TTC6: variants seen among roughly 807,000 people sequenced by gnomAD.
TTC6 encodes the protein tetratricopeptide repeat domain 6.
Under a neutral mutation model 210.4 loss-of-function variants are expected in TTC6, and 172 were observed. The ratio of observed to expected loss-of-function variants is 0.82; its 90% CI spans 0.72 to 0.93. The LOEUF (loss-of-function observed/expected upper bound fraction) is 0.93, where lower values mean the gene tolerates loss of function less well. Ranked by LOEUF, TTC6 falls within the 40% of genes least tolerant of loss-of-function variation. The pLI is 0.00. For missense variants in TTC6, 2,414 were observed against 2,318.1 expected (o/e 1.04, Z -0.85); for synonymous variants, 804 against 819.6 (o/e 0.98, Z 0.32).
rs35078384 is a variant in TTC6, at chr14:37,821,772, CTTTTTTTTTT to C, written c.4764-1959_4764-1950del. Among the ~76,000 whole-genome samples, 23 of 69,160 alleles carry C rather than the reference CTTTTTTTTTT, an allele frequency of 3.3e-4. No homozygotes were observed. In the East Asian group the frequency reaches 6.9e-3, roughly 21 times the overall value. The allele number at this position is 69,160 out of a possible 152,430, so 45.4% of individuals were successfully genotyped here. On this transcript the variant is annotated intron_variant, in intron 26 of 30. Coordinates refer to ENST00000553443, the Ensembl canonical transcript of TTC6. ...GAGAATGTCTCAGCTAAGAGCTAGT[CTTTTTTTTTT>C]TTTTTTTTTTTTTTTGAGATGGAGT...
At chr14:37,648,077 T>G (rs1223484517) in intron 1 of TTC6, among the ~76,000 whole-genome samples, 1 of 152,172 alleles carries the variant, frequency 6.6e-6, no homozygotes, top group Non-Finnish European at 1.5e-5. Flanking sequence ...GTACATGGGA[T>G]GCATTTTCTA....
At chr14:37,833,365 G>A (rs2096190506) in intron 29 of TTC6, among the ~76,000 whole-genome samples, 1 of 152,058 alleles carries the variant, frequency 6.6e-6, no homozygotes, top group South Asian at 2.1e-4. Flanking sequence ...ATTATATAAT[G>A]ACATTGTTAG....
chr14:37,822,808 C>T (rs1434219005), intron 26 of TTC6, among the ~76,000 whole-genome samples: 1 of 152,130 alleles, frequency 6.6e-6, no homozygotes, highest in Non-Finnish European at 1.5e-5. Context: ...TCTGTGCAAG[C>T]ATAGTATGGT....
chr14:37,722,645 G>A (rs1009595952), intron 6 of TTC6, among the ~76,000 whole-genome samples: 1 of 152,160 alleles, frequency 6.6e-6, no homozygotes, highest in Non-Finnish European at 1.5e-5. Context: ...CAGCCATGAT[G>A]TTTCTCTGAT....
intron 1 of TTC6, among the ~76,000 whole-genome samples, chr14:37,643,892 C>G (rs17106885): frequency 0.058 from 8,850 of 152,164 alleles, 898 homozygotes; most frequent in African/African-American, 0.2. Context: ...CGAGACCTGC[C>G]TAGTTGTATA....
intron 7 of TTC6, among the ~76,000 whole-genome samples, chr14:37,732,692 C>T (rs936609120): frequency 6.6e-6 from 1 of 151,800 alleles, no homozygotes; most frequent in South Asian, 2.1e-4. Context: ...AATCTCGGCT[C>T]ACTGCAAGCT....
At chr14:37,783,263 C>T (rs1052492319) in intron 14 of TTC6, among the ~76,000 whole-genome samples, 1 of 152,066 alleles carries the variant, frequency 6.6e-6, no homozygotes, top group Non-Finnish European at 1.5e-5. Context: ...TGGTCCTAGA[C>T]TCTTTTTGGT....
At position 37,714,759 on chromosome 14, in the gene TTC6, G is replaced by A. The variant is rs764017019; in HGVS notation, c.1676G>A (p.Arg559His). The change falls in exon 6 of 31, where the codon CGT (arginine) becomes CAT (histidine). Residue 559 changes from arginine to histidine, a missense_variant. Transcript: ENST00000553443. ...GAATTGGCACAAGGAACTAGAGAGCGTGCTCACAAACCACACTTGGAAGTC... is the reference window on the plus strand; with the variant it reads ...GAATTGGCACAAGGAACTAGAGAGCATGCTCACAAACCACACTTGGAAGTC... 1.8e-5 allele frequency: 27 copies of A among 1,535,280 alleles called. No homozygotes were observed. In the East Asian group the frequency reaches 2.0e-4, roughly 11 times the overall value.
chr14:37,723,233 A>G (rs1236910682), intron 6 of TTC6, among the ~76,000 whole-genome samples: 2 of 152,058 alleles, frequency 1.3e-5, no homozygotes, highest in African/African-American at 4.8e-5. Context: ...CCAGTCCTAG[A>G]ATCAGCCATT....
chr14:37,658,070 A>C (rs1367444621), intron 1 of TTC6, among the ~76,000 whole-genome samples: 2 of 152,242 alleles, frequency 1.3e-5, no homozygotes, highest in Non-Finnish European at 2.9e-5. Flanking sequence ...AATCAAGGAT[A>C]GTATTTAGGC....
At chr14:37,648,395 C>A (rs1490233547) in intron 1 of TTC6, among the ~76,000 whole-genome samples, 1 of 152,162 alleles carries the variant, frequency 6.6e-6, no homozygotes, top group Non-Finnish European at 1.5e-5. Context: ...ACTAGTTAAT[C>A]TGAACTATCC....
In TTC6 at chr14:37,821,772, C is replaced by CTTTTTTTTTT. The variant is rs35078384; in HGVS notation, c.4764-1959_4764-1950dup. ...GAGAATGTCTCAGCTAAGAGCTAGT[C>CTTTTTTTTTT]TTTTTTTTTTTTTTTTTTTTTTTTT... On this transcript the variant is annotated intron_variant, in intron 26 of 30. Transcript: ENST00000553443. Among the ~76,000 whole-genome samples, 14 of 69,158 alleles carry CTTTTTTTTTT rather than the reference C, an allele frequency of 2.0e-4. 1 individual carries two copies. The highest frequency in any genetic ancestry group is 8.0e-4 in the African/African-American group (12 of 15,052). The allele number at this position is 69,158 out of a possible 152,430, so 45.4% of individuals were successfully genotyped here.
intron 1 of TTC6, among the ~76,000 whole-genome samples, chr14:37,660,010 C>T (rs1182636965): frequency 6.6e-6 from 1 of 152,110 alleles, no homozygotes; most frequent in East Asian, 1.9e-4. Flanking sequence ...AGACCTTTGC[C>T]AGATGCATAG....
intron 7 of TTC6, among the ~76,000 whole-genome samples, chr14:37,725,312 G>GTATATA (rs1169644241): frequency 4.1e-4 from 14 of 33,902 alleles, no homozygotes; most frequent in South Asian, 2.2e-3. Context: ...GTGTGTGTGT[G>GTATATA]TATATATATA....
chr14:37,705,271 C>A (rs1270701588), intron 5 of TTC6, among the ~76,000 whole-genome samples: 1 of 152,056 alleles, frequency 6.6e-6, no homozygotes, highest in Non-Finnish European at 1.5e-5. Context: ...ATTAGAACAG[C>A]AGCAACAATG....
intron 4 of TTC6, among the ~76,000 whole-genome samples, chr14:37,698,628 T>C (rs549726931): frequency 3.3e-5 from 5 of 152,292 alleles, no homozygotes; most frequent in Non-Finnish European, 5.9e-5. Context: ...GACTTACCTC[T>C]CTTTTCCTCT....
chr14:37,759,486 T>C (rs142076825), intron 14 of TTC6, among the ~76,000 whole-genome samples: 33 of 152,216 alleles, frequency 2.2e-4, no homozygotes, highest in African/African-American at 7.9e-4. Context: ...TTTCTTGGGA[T>C]TGCACTTCTC....
In TTC6 at chr14:37,693,096, G is replaced by A. The variant is rs1176530670; in HGVS notation, c.1258-3621G>A. Among the ~76,000 whole-genome samples the A allele has an allele frequency of 2.6e-5, 4 of 152,000 alleles. No homozygotes were observed. In the East Asian group the frequency reaches 7.7e-4, roughly 29 times the overall value. On this transcript the variant is annotated intron_variant, in intron 3 of 30. Transcript: ENST00000553443. The stretch of plus-strand genomic sequence containing the variant: ...AAAAGGCATCCAAATTGGAAAGGAA[G>A]AAGTCAAATTATTCTTGTTTGCAGA...
At chr14:37,819,874 T>TG (rs1293427990) in intron 26 of TTC6, among the ~76,000 whole-genome samples, 1 of 152,232 alleles carries the variant, frequency 6.6e-6, no homozygotes, top group African/African-American at 2.4e-5. Flanking sequence ...GCTCAGCACA[T>TG]GATCCCTTGT....
Sources: allele counts gnomAD v4.1 joint callset (sites outside exome capture counted in the v4.1 genomes callset), GRCh38; gene constraint gnomAD v4.1.1; transcripts MANE v1.5; gene names NCBI Gene and HGNC (gene_info 2026-07-23, HGNC 2026-07-21).